Variants in ZMYM4 observed in about 807,000 individuals in gnomAD.
The protein encoded by ZMYM4 is zinc finger MYM-type protein 4.
A neutral mutation model predicts 183.2 loss-of-function variants in ZMYM4; 31 were observed. The observed-to-expected ratio is 0.17, with a 90% confidence interval of 0.13 to 0.23. ZMYM4 has a LOEUF of 0.23. Ranked by LOEUF, ZMYM4 falls within the 10% of genes least tolerant of loss-of-function variation. ZMYM4 has a pLI of 1.00. For missense variants in ZMYM4, 1,273 were observed against 1,840.3 expected (o/e 0.69, Z 5.64); for synonymous variants, 592 against 631.2 (o/e 0.94, Z 0.93).
chr1:35,401,970 T>A (rs908086581), intron 23 of ZMYM4, among the ~76,000 whole-genome samples: 1 of 152,336 alleles, frequency 6.6e-6, no homozygotes, highest in Admixed American at 6.5e-5. Context: ...CTTATATGTC[T>A]ATTTTTATAC....
At chr1:35,330,506 C>G (rs573848268) in intron 2 of ZMYM4, among the ~76,000 whole-genome samples, 54 of 152,136 alleles carry the variant, frequency 3.5e-4, no homozygotes, top group Non-Finnish European at 6.5e-4. Flanking sequence ...AAGAACTTTC[C>G]TGGAAAATCT....
At chr1:35,335,930 A>AAAAAC (rs1218248224) in intron 2 of ZMYM4, among the ~76,000 whole-genome samples, 2 of 152,238 alleles carry the variant, frequency 1.3e-5, no homozygotes, top group Non-Finnish European at 2.9e-5. Context: ...TCCGTCTCAA[A>AAAAAC]AAAACAAAAC....
At position 35,358,711 on chromosome 1, in the gene ZMYM4, A is replaced by G. The variant is rs555183551; in HGVS notation, c.86-214A>G. The G allele has an allele frequency of 1.3e-5, 6 of 464,232 alleles. No homozygotes were observed. The South Asian group carries it at 2.0e-4, about 15-fold the overall frequency. The allele number at this position is 464,232 out of a possible 1,614,324, so 28.8% of individuals were successfully genotyped here. On this transcript the variant is annotated intron_variant, in intron 2 of 29. Coordinates refer to ENST00000314607, the MANE Select transcript of ZMYM4 (RefSeq NM_005095.3). ...ATCACGTAGCTTTCTTTTCTAACCT[A>G]AAGTAGTTTCTCAAGTTTTGGCTCC...
chr1:35,372,684 A>C (rs1193104814), intron 7 of ZMYM4, among the ~76,000 whole-genome samples: 1 of 151,940 alleles, frequency 6.6e-6, no homozygotes, highest in Non-Finnish European at 1.5e-5. Flanking sequence ...TGGATTTTTA[A>C]AAAGGTTTTG....
At position 35,370,693 on chromosome 1, in the gene ZMYM4, G is replaced by C. The variant is rs113573945; in HGVS notation, c.1181+66G>C. 5.2e-5 allele frequency: 64 copies of C among 1,226,232 alleles called. 3 individuals carry two copies. The African/African-American group carries it at 5.4e-4, about 10-fold the overall frequency. The allele number at this position is 1,226,232 out of a possible 1,614,324, so 76.0% of individuals were successfully genotyped here. ...TTCTCTTAACATACTTTGTTCTTAG[G>C]TCATGTATTACATTTGATATTCTAC... On this transcript the variant is annotated intron_variant, in intron 7 of 29. Coordinates refer to ENST00000314607, the MANE Select transcript of ZMYM4 (RefSeq NM_005095.3).
At chr1:35,369,267 G>T (rs1249197977) in intron 5 of ZMYM4, among the ~76,000 whole-genome samples, 1 of 152,132 alleles carries the variant, frequency 6.6e-6, no homozygotes, top group Non-Finnish European at 1.5e-5. Context: ...ATTGTAAAAA[G>T]CAAACAGCAC....
Position 35,405,451 on chromosome 1 carries a change from C to T in ZMYM4, c.3779C>T (p.Ser1260Leu). Residue 1260 changes from serine to leucine, a missense_variant, in exon 25 of 30, where the codon TCA becomes TTA. This residue lies in a region of ZMYM4 where 133 missense variants were observed against 155.7 expected (regional missense o/e 0.85). Coordinates refer to ENST00000314607, the MANE Select transcript of ZMYM4 (RefSeq NM_005095.3). ...GACCATGCACTCTCTCAAGAATCCT[C>T]AGAGCCAGGCTGTAGAGGTAAAATT... ...TQDHALSQES[S>L]EPGCRVRSIK... 6.2e-7 allele frequency: 1 copy of T among 1,609,708 alleles called. No individual in the cohort carries two copies. Among genetic ancestry groups the T allele is most frequent in the Non-Finnish European group, 8.5e-7 (1 of 1,178,266 alleles).
At chr1:35,370,155 C>T in intron 6 of ZMYM4, 42 bp downstream of exon 6, 1 of 1,592,448 alleles carries the variant, frequency 6.3e-7, no homozygotes, top group South Asian at 1.1e-5. Flanking sequence ...TATGTTCTGA[C>T]CAATATGAAT....
At chr1:35,392,799 T>TA in intron 17 of ZMYM4, 115 bp downstream of exon 17, 3 of 702,080 alleles carry the variant, frequency 4.3e-6, no homozygotes, top group Non-Finnish European at 6.8e-6. Context: ...ATAGATTTCA[T>TA]TAGCTCATTT....
chr1:35,335,869 C>T (rs929438519), intron 2 of ZMYM4, among the ~76,000 whole-genome samples: 62 of 152,108 alleles, frequency 4.1e-4, no homozygotes, highest in Admixed American at 3.9e-3. Context: ...AGGAGAATGG[C>T]GTGAACCTGG....
At chr1:35,273,320 T>G (rs1024463949) in intron 1 of ZMYM4, among the ~76,000 whole-genome samples, 1 of 152,166 alleles carries the variant, frequency 6.6e-6, no homozygotes, top group African/African-American at 2.4e-5. Context: ...GGCATATTAT[T>G]TAATTTTTTT....
intron 2 of ZMYM4, among the ~76,000 whole-genome samples, chr1:35,343,774 C>T (rs1175289634): frequency 1.3e-5 from 2 of 151,486 alleles, no homozygotes; most frequent in Non-Finnish European, 2.9e-5. Context: ...CTGAGGCAGA[C>T]AATTGCTTGC....
At chr1:35,314,896 G>T (rs1473062341) in intron 1 of ZMYM4, among the ~76,000 whole-genome samples, 2 of 151,180 alleles carry the variant, frequency 1.3e-5, no homozygotes, top group African/African-American at 4.9e-5. Context: ...GTGGTGGTGC[G>T]CATCTATAAT....
At chr1:35,287,970 A>G (rs1640588313) in intron 1 of ZMYM4, among the ~76,000 whole-genome samples, 1 of 152,180 alleles carries the variant, frequency 6.6e-6, no homozygotes, top group Non-Finnish European at 1.5e-5. Context: ...TGGCAAGATC[A>G]TAGCCCTCTG....
At chr1:35,369,268 C>T (rs1451250423) in intron 5 of ZMYM4, among the ~76,000 whole-genome samples, 1 of 152,038 alleles carries the variant, frequency 6.6e-6, no homozygotes, top group Admixed American at 6.6e-5. Flanking sequence ...TTGTAAAAAG[C>T]AAACAGCACT....
At chr1:35,368,795 A>G (rs1644146045) in intron 5 of ZMYM4, among the ~76,000 whole-genome samples, 1 of 152,198 alleles carries the variant, frequency 6.6e-6, no homozygotes, top group African/African-American at 2.4e-5. Context: ...AAATGGACCA[A>G]CATTGTGTTG....
chr1:35,274,616 T>TTAAA (rs1384583861), intron 1 of ZMYM4, among the ~76,000 whole-genome samples: 3 of 134,640 alleles, frequency 2.2e-5, no homozygotes, highest in African/African-American at 9.0e-5. Context: ...TTTTTTTTTT[T>TTAAA]AAAAAAAAAA....
In ZMYM4 at chr1:35,381,596, T is replaced by C. The variant is rs1419913734; in HGVS notation, c.1407T>C (p.Asp469=). 6 of 1,614,148 alleles carry C rather than the reference T, an allele frequency of 3.7e-6. No individual in the cohort carries two copies. The highest frequency in any genetic ancestry group is 1.3e-5 in the African/African-American group (1 of 74,952). ...ATGTGGTCCATAAACTTTGCAGTGA[T>C]GCCTGCTTCTCTAAGTTTCGTTCTG... ...YQNVVHKLCS[D]ACFSKFRSAN... is the part of the protein sequence containing the mutation. The change falls in exon 9 of 30, where the codon GAT becomes GAC. Residue 469 remains aspartate, a synonymous_variant. Coordinates refer to ENST00000314607, the MANE Select transcript of ZMYM4 (RefSeq NM_005095.3).
At position 35,370,033 on chromosome 1, in the gene ZMYM4, A is replaced by G. The variant is rs746538683; in HGVS notation, c.845A>G (p.Tyr282Cys). 6 of 1,611,564 alleles carry G rather than the reference A, an allele frequency of 3.7e-6. No homozygotes were observed. The Admixed American group carries it at 5.0e-5, about 13-fold the overall frequency. ...TTATTTTTTTCTTCTTTAAAGGAGT[A>G]TAGTCATGGCCAACAGCAAAAAACT... is the stretch of plus-strand genomic sequence containing the variant. ...IKDEPDNAQE[Y>C]SHGQQQKTQE... Residue 282 changes from tyrosine to cysteine, a missense_variant, in exon 6 of 30, where the codon TAT (tyrosine) becomes TGT (cysteine). Around this residue, in one of 6 missense-constraint regions of ZMYM4, gnomAD observed 384 missense variants for 465.6 expected, o/e 0.82. Transcript: ENST00000314607.
Sources: gnomAD v4.1 joint callset for allele counts (sites outside exome capture counted in the v4.1 genomes callset) on GRCh38, gnomAD v4.1.1 for gene constraint, gnomAD v4.1.1 regional missense constraint, MANE v1.5 for transcripts, NCBI Gene and HGNC (gene_info 2026-07-23, HGNC 2026-07-21) for gene names.